Variants in DCBLD2 observed in about 807,000 individuals in gnomAD.
DCBLD2 encodes discoidin, CUB and LCCL domain containing 2, also known as discoidin, CUB and LCCL domain-containing protein 2.
In DCBLD2, 54 loss-of-function variants were observed where a neutral mutation model predicts 86.8. The ratio of observed to expected loss-of-function variants is 0.62; its 90% CI spans 0.50 to 0.78. The LOEUF (loss-of-function observed/expected upper bound fraction) is 0.78, where lower values mean the gene tolerates loss of function less well. Ranked by LOEUF, DCBLD2 falls within the 30% of genes least tolerant of loss-of-function variation. DCBLD2 has a pLI of 0.00. For synonymous variants in DCBLD2, 354 were observed against 341.3 expected (o/e 1.04, Z -0.41); for missense variants, 908 against 954.2 (o/e 0.95, Z 0.64).
chr3:98,819,102 A>G, intron 8 of DCBLD2, 100 bp downstream of exon 8: 1 of 1,157,190 alleles, frequency 8.6e-7, no homozygotes, highest in Non-Finnish European at 1.2e-6. Context: ...ATATAATTAC[A>G]ATTTTAATGC....
intron 3 of DCBLD2, among the ~76,000 whole-genome samples, chr3:98,847,685 G>A (rs977967172): frequency 3.9e-5 from 6 of 152,134 alleles, no homozygotes; most frequent in Non-Finnish European, 5.9e-5. Flanking sequence ...GGAGGTTCTT[G>A]AGAATCTCCT....
Position 98,833,019 on chromosome 3 carries a change from T to C in DCBLD2, c.572-7653A>G, listed in dbSNP as rs545219519. 3.9e-5 allele frequency among the ~76,000 whole-genome samples: 6 copies of C among 152,368 alleles called. No individual in the cohort carries two copies. In the South Asian group the frequency reaches 8.3e-4, roughly 21 times the overall value. On this transcript the variant is annotated intron_variant, in intron 3 of 15. Coordinates refer to ENST00000326840, the MANE Select transcript of DCBLD2 (RefSeq NM_080927.4). ...TTTTCATAGATGATATCCTGAAATA[T>C]GTTTTCCAAGTTGTTTGCTTTCTCC...
At chr3:98,874,441 T>TATA (rs1943333479) in intron 2 of DCBLD2, among the ~76,000 whole-genome samples, 1 of 152,156 alleles carries the variant, frequency 6.6e-6, no homozygotes, top group Admixed American at 6.5e-5. Context: ...AACCCATTAA[T>TATA]ATAATACACT....
chr3:98,862,959 T>C (rs1465480616), intron 2 of DCBLD2, among the ~76,000 whole-genome samples: 1 of 152,204 alleles, frequency 6.6e-6, no homozygotes, highest in Admixed American at 6.5e-5. Flanking sequence ...CATGATTGTA[T>C]ATTTAGAAAA....
At chr3:98,861,497 G>A (rs1576187786) in intron 2 of DCBLD2, among the ~76,000 whole-genome samples, 1 of 152,258 alleles carries the variant, frequency 6.6e-6, no homozygotes, top group East Asian at 1.9e-4. Context: ...CTCAGCAAAT[G>A]TAAAAGAACA....
At chr3:98,850,804 C>T (rs1942821627) in intron 2 of DCBLD2, among the ~76,000 whole-genome samples, 1 of 152,072 alleles carries the variant, frequency 6.6e-6, no homozygotes. Flanking sequence ...GTCACAGGAT[C>T]CATATACAAA....
chr3:98,861,015 A>C (rs912958652), intron 2 of DCBLD2, among the ~76,000 whole-genome samples: 3 of 152,252 alleles, frequency 2.0e-5, no homozygotes, highest in African/African-American at 7.2e-5. Flanking sequence ...GCTCAAAATA[A>C]GGAGATGGAG....
At chr3:98,818,150 G>A (rs745675148) in intron 8 of DCBLD2, among the ~76,000 whole-genome samples, 20 of 152,104 alleles carry the variant, frequency 1.3e-4, no homozygotes, top group South Asian at 2.1e-4. Flanking sequence ...TTATAACGTC[G>A]TAAAATAGAT....
intron 2 of DCBLD2, among the ~76,000 whole-genome samples, chr3:98,867,615 T>C (rs900704611): frequency 6.6e-6 from 1 of 152,066 alleles, no homozygotes. Flanking sequence ...TCAACACATA[T>C]CCTTAGAAAA....
chr3:98,803,671 G>A (rs1160924615), intron 13 of DCBLD2, among the ~76,000 whole-genome samples: 17 of 152,146 alleles, frequency 1.1e-4, no homozygotes, highest in Admixed American at 6.5e-5. Flanking sequence ...GTATGATATT[G>A]GCTGTGGGTT....
chr3:98,845,460 G>A (rs183866446), intron 3 of DCBLD2, among the ~76,000 whole-genome samples: 4 of 152,046 alleles, frequency 2.6e-5, no homozygotes, highest in Admixed American at 2.6e-4. Flanking sequence ...TTACAAACTG[G>A]CATAATTCTA....
chr3:98,852,772 A>G (rs1942863650), intron 2 of DCBLD2, among the ~76,000 whole-genome samples: 1 of 152,210 alleles, frequency 6.6e-6, no homozygotes, highest in Non-Finnish European at 1.5e-5. Context: ...TATCAGGGCC[A>G]TTGCAAGTCA....
chr3:98,874,455 C>G (rs946605889), intron 2 of DCBLD2, among the ~76,000 whole-genome samples: 1 of 152,064 alleles, frequency 6.6e-6, no homozygotes, highest in East Asian at 1.9e-4. Context: ...ATACACTATA[C>G]CAATAGATTT....
chr3:98,881,419 C>G (rs1396593728), intron 2 of DCBLD2, 121 bp downstream of exon 2: 1 of 858,104 alleles, frequency 1.2e-6, no homozygotes. Flanking sequence ...AATTTTTACA[C>G]ATATTCAATA....
chr3:98,855,313 C>A (rs577562443), intron 2 of DCBLD2, among the ~76,000 whole-genome samples: 4 of 152,152 alleles, frequency 2.6e-5, no homozygotes, highest in Admixed American at 2.6e-4. Flanking sequence ...CACACCAGAA[C>A]AGTTAACATG....
rs187192447 is a variant in DCBLD2, at chr3:98,890,772, T to C, written c.206-9005A>G. On this transcript the variant is annotated intron_variant, in intron 1 of 15. Coordinates refer to ENST00000326840, the MANE Select transcript of DCBLD2 (RefSeq NM_080927.4). ...TCGCAGACCTTAACTGTATGTAACC[T>C]TGTTACTACCAGCTGTTGATGTTGC... Among the ~76,000 whole-genome samples the C allele has an allele frequency of 5.8e-4, 89 of 152,228 alleles. 1 individual carries two copies. The highest frequency in any genetic ancestry group is 2.0e-3 in the African/African-American group (83 of 41,570).
At chr3:98,805,532 A>G (rs751316872) in intron 13 of DCBLD2, among the ~76,000 whole-genome samples, 4 of 152,220 alleles carry the variant, frequency 2.6e-5, no homozygotes, top group Non-Finnish European at 5.9e-5. Flanking sequence ...AAGTGCTTAG[A>G]ATGAGCTCTG....
chr3:98,874,468 G>A (rs760518284), intron 2 of DCBLD2, among the ~76,000 whole-genome samples: 3 of 151,998 alleles, frequency 2.0e-5, no homozygotes, highest in Admixed American at 6.5e-5. Context: ...ATAGATTTAG[G>A]TAGAAAAACC....
At chr3:98,812,291 C>T in intron 10 of DCBLD2, 41 bp downstream of exon 10, 1 of 1,602,684 alleles carries the variant, frequency 6.2e-7, no homozygotes, top group Admixed American at 1.8e-5. Flanking sequence ...TTTAAATTGG[C>T]AATCCAGTAA....
Sources: allele counts gnomAD v4.1 joint callset (sites outside exome capture counted in the v4.1 genomes callset), GRCh38; gene constraint gnomAD v4.1.1; transcripts MANE v1.5; gene names NCBI Gene and HGNC (gene_info 2026-07-23, HGNC 2026-07-21).